The following MTREX variants were observed in gnomAD, a reference collection of about 807,000 sequenced individuals.
MTREX encodes exosome RNA helicase MTR4.
MTREX carries 76 observed loss-of-function variants against 135.4 expected under a neutral mutation model. The observed-to-expected ratio is 0.56, with a 90% CI of 0.47 to 0.68. The LOEUF is 0.68. MTREX is among the 30% of genes least tolerant of loss of function. MTREX has a pLI of 0.00. For missense variants in MTREX, 920 were observed against 1,262.1 expected (o/e 0.73, Z 4.11); for synonymous variants, 404 against 401.6 (o/e 1.01, Z -0.07).
rs10033 is a variant in MTREX, at chr5:55,425,095, C to A, written c.*323C>A. 2 of 1,371,310 alleles carry A rather than the reference C, an allele frequency of 1.5e-6. No individual in the cohort carries two copies. Among genetic ancestry groups the A allele is most frequent in the East Asian group, 2.3e-5 (1 of 43,430 alleles). 84.9% of individuals were successfully genotyped at this position (1,371,310 alleles called of 1,614,324 possible). A position where few individuals can be genotyped will look rare whatever the true frequency, so the allele number is the denominator to read the frequency against. On this transcript the variant is annotated 3_prime_UTR_variant, in exon 27 of 27. Coordinates refer to ENST00000230640, the MANE Select transcript of MTREX (RefSeq NM_015360.5). ...GTGCATCCAAGAGGCATAGCAGCAG[C>A]AGAAGTCTTTAAAGGCTTGTACACC... is the stretch of plus-strand genomic sequence containing the variant.
chr5:55,316,908 A>G (rs547807957), intron 1 of MTREX, among the ~76,000 whole-genome samples: 56 of 152,328 alleles, frequency 3.7e-4, no homozygotes, highest in Non-Finnish European at 7.1e-4. Flanking sequence ...ACTCCAGCTG[A>G]CAAACAACTT....
intron 1 of MTREX, among the ~76,000 whole-genome samples, chr5:55,312,315 A>G (rs1163152445): frequency 6.6e-6 from 1 of 152,172 alleles, no homozygotes; most frequent in Non-Finnish European, 1.5e-5. Flanking sequence ...GCCCTAAGGA[A>G]GTTTCAATGG....
intron 14 of MTREX, among the ~76,000 whole-genome samples, chr5:55,353,745 T>A (rs1749865686): frequency 6.6e-6 from 1 of 152,120 alleles, no homozygotes; most frequent in East Asian, 1.9e-4. Context: ...TCCCTTAAAT[T>A]TTTATCCTAA....
chr5:55,424,665 C>T, intron 26 of MTREX, 55 bp from the exon 27 acceptor site: 2 of 1,309,488 alleles, frequency 1.5e-6, no homozygotes, highest in Non-Finnish European at 2.2e-6. Context: ...TCGGTAGAGG[C>T]AAGTTAGGTG....
chr5:55,337,790 G>T (rs1263179679), intron 5 of MTREX, among the ~76,000 whole-genome samples: 11 of 146,686 alleles, frequency 7.5e-5, no homozygotes, highest in Non-Finnish European at 9.1e-5. Context: ...TATTTCTCAT[G>T]TTTTTTTTTT....
chr5:55,370,066 G>A (rs182721395), intron 16 of MTREX, among the ~76,000 whole-genome samples: 13 of 152,094 alleles, frequency 8.5e-5, no homozygotes, highest in Non-Finnish European at 1.9e-4. Flanking sequence ...TGGGATTACA[G>A]GCATGCACCA....
chr5:55,375,596 T>C (rs1434725496), intron 16 of MTREX, among the ~76,000 whole-genome samples: 3 of 152,166 alleles, frequency 2.0e-5, no homozygotes, highest in Non-Finnish European at 4.4e-5. Context: ...CAAACACACA[T>C]GTTGTACAAT....
At chr5:55,400,487 C>T in intron 21 of MTREX, 66 bp downstream of exon 21, 11 of 1,122,556 alleles carry the variant, frequency 9.8e-6, no homozygotes, top group African/African-American at 1.6e-5. Context: ...ATGTGTTTGT[C>T]ATTTTCTTAT....
chr5:55,394,692 G>A (rs374923019), intron 19 of MTREX, among the ~76,000 whole-genome samples: 4 of 152,138 alleles, frequency 2.6e-5, no homozygotes, highest in African/African-American at 7.2e-5. Flanking sequence ...GTACCATCCC[G>A]GGGCTTGGGG....
chr5:55,349,841 G>T (rs935368203), intron 12 of MTREX, among the ~76,000 whole-genome samples, 189 bp downstream of exon 12: 1 of 152,184 alleles, frequency 6.6e-6, no homozygotes, highest in African/African-American at 2.4e-5. Context: ...AAGATTTGCT[G>T]CCTGAAGGAA....
chr5:55,401,977 C>G (rs1038713639), intron 21 of MTREX, among the ~76,000 whole-genome samples: 1 of 152,116 alleles, frequency 6.6e-6, no homozygotes. Context: ...TTTTAAGCTC[C>G]TTAGAGTCAG....
intron 14 of MTREX, among the ~76,000 whole-genome samples, chr5:55,356,054 G>T (rs990717351): frequency 6.6e-6 from 1 of 152,218 alleles, no homozygotes; most frequent in Non-Finnish European, 1.5e-5. Flanking sequence ...ATGAGTGTCA[G>T]TGCCAGACCA....
intron 15 of MTREX, among the ~76,000 whole-genome samples, chr5:55,363,277 C>T (rs1272940103): frequency 6.6e-6 from 1 of 152,046 alleles, no homozygotes; most frequent in African/African-American, 2.4e-5. Flanking sequence ...GTTCATAATG[C>T]AAAAATATTT....
At chr5:55,382,521 A>G (rs1750412757) in intron 18 of MTREX, among the ~76,000 whole-genome samples, 1 of 152,152 alleles carries the variant, frequency 6.6e-6, no homozygotes, top group Non-Finnish European at 1.5e-5. Context: ...TATTACATCT[A>G]TAAATGTTAC....
At chr5:55,331,541 T>G (rs1240789127) in intron 5 of MTREX, among the ~76,000 whole-genome samples, 1 of 152,204 alleles carries the variant, frequency 6.6e-6, no homozygotes, top group Non-Finnish European at 1.5e-5. Flanking sequence ...TTGGTAATTT[T>G]TATCTCTTCT....
At chr5:55,381,128 A>G (rs985964963) in intron 18 of MTREX, among the ~76,000 whole-genome samples, 3 of 152,074 alleles carry the variant, frequency 2.0e-5, no homozygotes, top group Non-Finnish European at 4.4e-5. Flanking sequence ...TGTCTCTTTC[A>G]TATCTGACCT....
intron 5 of MTREX, among the ~76,000 whole-genome samples, chr5:55,338,028 A>G (rs971231881): frequency 2.0e-5 from 3 of 152,256 alleles, no homozygotes; most frequent in Middle Eastern, 3.4e-3. Flanking sequence ...ACTGTCATAT[A>G]TTTCAACTAC....
chr5:55,377,957 T>C (rs755747035), intron 16 of MTREX, among the ~76,000 whole-genome samples: 6 of 151,280 alleles, frequency 4.0e-5, no homozygotes, highest in Non-Finnish European at 7.4e-5. Context: ...AAAGAGATCC[T>C]GAGTCATACC....
At chr5:55,379,937 T>TTTTTTC (rs1169221367) in intron 18 of MTREX, among the ~76,000 whole-genome samples, 2 of 152,194 alleles carry the variant, frequency 1.3e-5, no homozygotes, top group African/African-American at 4.8e-5. Flanking sequence ...TTTGTTTATT[T>TTTTTTC]TTTTTCTTTT....
Sources: allele counts gnomAD v4.1 joint callset (sites outside exome capture counted in the v4.1 genomes callset), GRCh38; gene constraint gnomAD v4.1.1; transcripts MANE v1.5; gene names NCBI Gene and HGNC (gene_info 2026-07-23, HGNC 2026-07-21).